Variants in GSTCD observed in about 807,000 individuals in gnomAD.
GSTCD encodes glutathione S-transferase C-terminal domain containing.
Under a neutral mutation model 68.3 loss-of-function variants are expected in GSTCD, and 44 were observed. That is an observed-to-expected ratio of 0.64 (90% CI 0.51 to 0.83). The LOEUF is 0.83. Among genes scored for constraint, GSTCD ranks in the 40% least tolerant of loss-of-function variants. The pLI is 0.00. For missense variants in GSTCD, 739 were observed against 735.9 expected, an observed-to-expected ratio of 1.00 and a Z score of -0.05; for synonymous variants, 273 against 255.2, an observed-to-expected ratio of 1.07 and a Z score of -0.67.
intron 5 of GSTCD, among the ~76,000 whole-genome samples, chr4:105,797,045 C>CGTGTGTGTGTGTGT (rs527275501): frequency 5.7e-5 from 8 of 140,432 alleles, no homozygotes; most frequent in South Asian, 2.3e-4. Context: ...GACAGAGATA[C>CGTGTGTGTGTGTGT]ATGTGTGTGT....
intron 5 of GSTCD, among the ~76,000 whole-genome samples, chr4:105,783,207 C>T (rs188009363): frequency 6.6e-6 from 1 of 152,132 alleles, no homozygotes; most frequent in Non-Finnish European, 1.5e-5. Flanking sequence ...TTTCTGTTTA[C>T]CCTTTAGAAC....
intron 5 of GSTCD, among the ~76,000 whole-genome samples, chr4:105,749,664 A>C (rs1733940157): frequency 6.6e-6 from 1 of 152,002 alleles, no homozygotes; most frequent in Non-Finnish European, 1.5e-5. Context: ...AAGTTAACCC[A>C]AAATAGATCA....
At chr4:105,731,556 G>C (rs1345007410) in intron 5 of GSTCD, among the ~76,000 whole-genome samples, 2 of 152,206 alleles carry the variant, frequency 1.3e-5, no homozygotes, top group Middle Eastern at 3.2e-3. Flanking sequence ...AAGAATGCTT[G>C]TGATTTTTGC....
chr4:105,786,495 A>G (rs1735472163), intron 5 of GSTCD, among the ~76,000 whole-genome samples: 3 of 151,654 alleles, frequency 2.0e-5, no homozygotes, highest in African/African-American at 4.9e-5. Flanking sequence ...GCCCTGGGCA[A>G]CAGAGCAAGA....
intron 8 of GSTCD, among the ~76,000 whole-genome samples, chr4:105,830,747 C>T (rs887494791): frequency 5.3e-5 from 8 of 152,072 alleles, no homozygotes; most frequent in East Asian, 1.9e-4. Flanking sequence ...GAGCATTTTA[C>T]AGAGCTTTTG....
chr4:105,712,055 C>T (rs1732554713), intron 1 of GSTCD, among the ~76,000 whole-genome samples: 1 of 152,184 alleles, frequency 6.6e-6, no homozygotes, highest in Admixed American at 6.5e-5. Flanking sequence ...ATGAGATACA[C>T]ATTGTACCAA....
intron 9 of GSTCD, among the ~76,000 whole-genome samples, chr4:105,835,712 T>C (rs1446750033): frequency 6.6e-6 from 1 of 152,144 alleles, no homozygotes; most frequent in African/African-American, 2.4e-5. Flanking sequence ...TGAGCCCTGT[T>C]TGTGTTATAA....
chr4:105,841,782 C>T (rs1464593546), intron 10 of GSTCD, among the ~76,000 whole-genome samples: 3 of 152,034 alleles, frequency 2.0e-5, no homozygotes, highest in Admixed American at 6.6e-5. Flanking sequence ...GTCTGGGAGA[C>T]GAAGGTTGCA....
intron 5 of GSTCD, among the ~76,000 whole-genome samples, chr4:105,791,477 T>C (rs1379592835): frequency 6.6e-6 from 1 of 152,028 alleles, no homozygotes; most frequent in Admixed American, 6.5e-5. Context: ...CACGTTTGTT[T>C]GTTTGTTTTT....
At chr4:105,777,995 G>C (rs1028676012) in intron 5 of GSTCD, among the ~76,000 whole-genome samples, 6 of 152,056 alleles carry the variant, frequency 3.9e-5, no homozygotes, top group Non-Finnish European at 7.4e-5. Flanking sequence ...TTGAATAAAG[G>C]CTTATAGGAA....
At chr4:105,728,705 ATATAG>A (rs1733127377) in intron 4 of GSTCD, among the ~76,000 whole-genome samples, 3 of 151,786 alleles carry the variant, frequency 2.0e-5, no homozygotes, top group African/African-American at 7.3e-5. Context: ...ATAGATATAG[ATATAG>A]ATATAGACTG....
intron 5 of GSTCD, among the ~76,000 whole-genome samples, chr4:105,735,337 C>T (rs1394840729): frequency 6.6e-6 from 1 of 152,198 alleles, no homozygotes; most frequent in Admixed American, 6.5e-5. Flanking sequence ...TTCAAGCTTC[C>T]AGGCCGCTTT....
intron 5 of GSTCD, among the ~76,000 whole-genome samples, chr4:105,734,630 C>T (rs966818639): frequency 6.6e-6 from 1 of 151,570 alleles, no homozygotes; most frequent in Non-Finnish European, 1.5e-5. Flanking sequence ...CAATGGGTTC[C>T]TCCTTTAGCT....
intron 5 of GSTCD, among the ~76,000 whole-genome samples, chr4:105,793,716 A>C (rs996989415): frequency 5.9e-5 from 9 of 151,856 alleles, no homozygotes; most frequent in Admixed American, 1.3e-4. Flanking sequence ...GCCCCCACCC[A>C]CCGCAGCCAA....
intron 5 of GSTCD, among the ~76,000 whole-genome samples, chr4:105,788,686 T>C (rs1363471184): frequency 6.6e-6 from 1 of 152,060 alleles, no homozygotes; most frequent in African/African-American, 2.4e-5. Context: ...AATAAAGTTT[T>C]CAGAAAGAGC....
chr4:105,823,296 A>G, intron 7 of GSTCD, 21 bp downstream of exon 7: 1 of 1,611,738 alleles, frequency 6.2e-7, no homozygotes, highest in Non-Finnish European at 8.5e-7. Context: ...AATAAGAGAT[A>G]AAAGGAAATA....
chr4:105,764,082 A>G (rs1432574823), intron 5 of GSTCD, among the ~76,000 whole-genome samples: 2 of 152,178 alleles, frequency 1.3e-5, no homozygotes, highest in African/African-American at 4.8e-5. Context: ...TAATTAAAAA[A>G]ATAGGACAGA....
chr4:105,811,035 A>G (rs896327344), intron 5 of GSTCD, among the ~76,000 whole-genome samples: 1 of 152,182 alleles, frequency 6.6e-6, no homozygotes, highest in Non-Finnish European at 1.5e-5. Flanking sequence ...GTAGATTCCT[A>G]AAATAGTCCC....
intron 5 of GSTCD, among the ~76,000 whole-genome samples, chr4:105,742,181 T>A (rs1251382924): frequency 6.6e-6 from 1 of 152,214 alleles, no homozygotes; most frequent in Admixed American, 6.5e-5. Flanking sequence ...CCTCATGATA[T>A]AAGCTATTTT....
Sources: allele counts gnomAD v4.1 joint callset (sites outside exome capture counted in the v4.1 genomes callset), GRCh38; gene constraint gnomAD v4.1.1; transcripts MANE v1.5; gene names NCBI Gene and HGNC (gene_info 2026-07-23, HGNC 2026-07-21).